HMCN1: variants seen among roughly 807,000 people sequenced by gnomAD.
The protein encoded by HMCN1 is hemicentin 1.
Under a neutral mutation model 625.9 loss-of-function variants are expected in HMCN1, and 321 were observed. The observed-to-expected ratio is 0.51, with a 90% CI of 0.47 to 0.56. The LOEUF is 0.56. HMCN1 is among the 20% of genes least tolerant of loss of function. HMCN1 has a pLI of 0.00. For missense variants in HMCN1, 6,588 were observed against 6,887.3 expected, an observed-to-expected ratio of 0.96 and a Z score of 1.54; for synonymous variants, 2,425 against 2,417.6, an observed-to-expected ratio of 1.00 and a Z score of -0.09.
intron 71 of HMCN1, among the ~76,000 whole-genome samples, chr1:186,111,613 C>T (rs149903571): frequency 8.5e-4 from 129 of 152,130 alleles, no homozygotes; most frequent in African/African-American, 2.9e-3. Flanking sequence ...ACCACTACTG[C>T]GGCATGGGTG....
In HMCN1 at chr1:185,864,392, C is replaced by A; in HGVS notation, c.340-78C>A. ...GGAAAACTTGCTCGTTCTAAAACTCCCAAAGCACCTTGTTATAACCAAAAT... is the reference window on the plus strand; with the variant it reads ...GGAAAACTTGCTCGTTCTAAAACTCACAAAGCACCTTGTTATAACCAAAAT... On this transcript the variant is annotated intron_variant, in intron 2 of 106. Coordinates refer to ENST00000271588, the MANE Select transcript of HMCN1 (RefSeq NM_031935.3). The A allele has an allele frequency of 2.1e-6, 3 of 1,410,552 alleles. No homozygotes were observed. In the East Asian group the frequency reaches 6.9e-5, roughly 32 times the overall value. The allele number at this position is 1,410,552 out of a possible 1,614,324, so 87.4% of individuals were successfully genotyped here.
chr1:185,956,643 T>A (rs1253132414), intron 11 of HMCN1, among the ~76,000 whole-genome samples: 1 of 152,184 alleles, frequency 6.6e-6, no homozygotes, highest in Non-Finnish European at 1.5e-5. Flanking sequence ...TTTTGGTTTT[T>A]ATGGAGATGT....
chr1:185,906,641 T>A (rs1666109705), intron 4 of HMCN1, among the ~76,000 whole-genome samples: 1 of 151,920 alleles, frequency 6.6e-6, no homozygotes, highest in African/African-American at 2.4e-5. Flanking sequence ...ACATAGACTA[T>A]AAATTTAATG....
intron 1 of HMCN1, among the ~76,000 whole-genome samples, chr1:185,820,605 A>G (rs1368989282): frequency 1.3e-5 from 2 of 152,172 alleles, no homozygotes; most frequent in Non-Finnish European, 2.9e-5. Flanking sequence ...ATAAGGTTAT[A>G]CATAGTAAAT....
intron 11 of HMCN1, among the ~76,000 whole-genome samples, chr1:185,955,397 T>C (rs1649547515): frequency 1.3e-5 from 2 of 152,154 alleles, no homozygotes; most frequent in East Asian, 1.9e-4. Flanking sequence ...GAAATAAAAA[T>C]TTTTCCTTTC....
At chr1:185,763,529 G>A (rs1655655644) in intron 1 of HMCN1, among the ~76,000 whole-genome samples, 1 of 152,122 alleles carries the variant, frequency 6.6e-6, no homozygotes, top group South Asian at 2.1e-4. Flanking sequence ...GTTAATGGTA[G>A]CTTTTCCAGG....
intron 11 of HMCN1, among the ~76,000 whole-genome samples, chr1:185,945,714 T>A (rs2102520208): frequency 6.6e-6 from 1 of 152,140 alleles, no homozygotes; most frequent in South Asian, 2.1e-4. Flanking sequence ...GTCAGGACAG[T>A]CTGTTCAGAT....
At chr1:186,006,756 A>T (rs1195848826) in intron 29 of HMCN1, among the ~76,000 whole-genome samples, 1 of 151,584 alleles carries the variant, frequency 6.6e-6, no homozygotes, top group Non-Finnish European at 1.5e-5. Context: ...TAAAACTCTT[A>T]ATTTTTCTTT....
chr1:186,130,418 A>T, intron 84 of HMCN1, 89 bp from the exon 85 acceptor site: 1 of 1,348,054 alleles, frequency 7.4e-7, no homozygotes, highest in Non-Finnish European at 1.1e-6. Flanking sequence ...TCCCCTCTTT[A>T]CTAAATTATT....
At chr1:185,952,707 TGAA>T (rs1266709205) in intron 11 of HMCN1, among the ~76,000 whole-genome samples, 1 of 151,448 alleles carries the variant, frequency 6.6e-6, no homozygotes, top group Non-Finnish European at 1.5e-5. Context: ...AGGTGAGAGT[TGAA>T]GAAGTTTTAA....
At chr1:185,879,870 AT>A (rs1017663406) in intron 4 of HMCN1, among the ~76,000 whole-genome samples, 1 of 152,196 alleles carries the variant, frequency 6.6e-6, no homozygotes, top group Non-Finnish European at 1.5e-5. Flanking sequence ...TGAATGTGGA[AT>A]TCACACTGTA....
At chr1:185,848,063 TAAAC>T (rs1333500416) in intron 2 of HMCN1, among the ~76,000 whole-genome samples, 1 of 152,010 alleles carries the variant, frequency 6.6e-6, no homozygotes, top group Non-Finnish European at 1.5e-5. Context: ...CAAAACAAAA[TAAAC>T]AACAAAAAAT....
intron 11 of HMCN1, among the ~76,000 whole-genome samples, chr1:185,934,933 A>G (rs1667735914): frequency 6.6e-6 from 1 of 152,174 alleles, no homozygotes; most frequent in African/African-American, 2.4e-5. Context: ...GTTGAAATAT[A>G]TGCTGCAATC....
At chr1:186,073,754 T>C (rs1029236796) in intron 52 of HMCN1, among the ~76,000 whole-genome samples, 7 of 151,618 alleles carry the variant, frequency 4.6e-5, no homozygotes, top group East Asian at 1.9e-4. Context: ...AGTGAAAATA[T>C]TGCAAGGTCA....
At chr1:185,923,149 C>T (rs1002139129) in intron 7 of HMCN1, among the ~76,000 whole-genome samples, 12 of 151,968 alleles carry the variant, frequency 7.9e-5, no homozygotes, top group African/African-American at 2.2e-4. Flanking sequence ...ACAATTTTCA[C>T]GATTCTAATT....
intron 75 of HMCN1, 40 bp from the exon 76 acceptor site, chr1:186,116,954 C>T (rs193227828): frequency 1.3e-3 from 2,063 of 1,608,636 alleles, no homozygotes; most frequent in Non-Finnish European, 1.6e-3. Context: ...TTTATGAAAA[C>T]CTACATATAG....
intron 24 of HMCN1, among the ~76,000 whole-genome samples, chr1:185,996,227 A>AGGC (rs1652778446): frequency 6.6e-6 from 1 of 152,164 alleles, no homozygotes; most frequent in African/African-American, 2.4e-5. Flanking sequence ...TGGGGTAGGG[A>AGGC]CATGTCAGTT....
At chr1:185,964,940 G>A (rs934290054) in intron 13 of HMCN1, among the ~76,000 whole-genome samples, 2 of 152,104 alleles carry the variant, frequency 1.3e-5, no homozygotes, top group South Asian at 4.2e-4. Context: ...CTGTAACAGG[G>A]TAAGGTTAAA....
In HMCN1 at chr1:185,882,863, G is replaced by T. The variant is rs577807725; in HGVS notation, c.621+17000G>T. On this transcript the variant is annotated intron_variant, in intron 4 of 106. Coordinates refer to ENST00000271588, the MANE Select transcript of HMCN1 (RefSeq NM_031935.3). ...GTATACTTTATTTATAGCTGGTGAG[G>T]GAGAGCATTTACAAAGATGGCAAAA... 2.6e-5 allele frequency among the ~76,000 whole-genome samples: 4 copies of T among 152,076 alleles called. No homozygotes were observed. The South Asian group carries it at 8.3e-4, about 32-fold the overall frequency.
Sources: gnomAD v4.1 joint callset for allele counts (sites outside exome capture counted in the v4.1 genomes callset) on GRCh38, gnomAD v4.1.1 for gene constraint, MANE v1.5 for transcripts, NCBI Gene and HGNC (gene_info 2026-07-23, HGNC 2026-07-21) for gene names.